ANK2: variants seen among roughly 807,000 people sequenced by gnomAD.
The protein encoded by ANK2 is ankyrin-2.
In ANK2, 83 loss-of-function variants were observed where a neutral mutation model predicts 360.5. That is an observed-to-expected ratio of 0.23 (90% CI 0.19 to 0.28). The LOEUF is 0.28. Among genes scored for constraint, ANK2 ranks in the 10% least tolerant of loss-of-function variants. The pLI is 1.00. For synonymous variants in ANK2, 1,740 were observed against 1,759.5 expected (o/e 0.99, Z 0.28); for missense variants, 4,201 against 4,795.7 (o/e 0.88, Z 3.66).
At chr4:113,176,226 T>C (rs1346521423) in intron 2 of ANK2, among the ~76,000 whole-genome samples, 2 of 152,216 alleles carry the variant, frequency 1.3e-5, no homozygotes, top group Non-Finnish European at 2.9e-5. Context: ...CTACTGCTTT[T>C]GCTCTGAATT....
rs780648194 is a variant in ANK2, at chr4:113,354,462, C to G, written c.5844C>G (p.His1948Gln). The G allele has an allele frequency of 6.2e-6, 10 of 1,614,092 alleles. No individual in the cohort carries two copies. Among genetic ancestry groups the G allele is most frequent in the Non-Finnish European group, 6.8e-6 (8 of 1,179,984 alleles). The change falls in exon 38 of 46, where the codon CAC (histidine) becomes CAG (glutamine). Residue 1948 changes from histidine (H) to glutamine (Q), a missense_variant. Physicochemically the swap from His to Gln is conservative, Grantham distance 24 (BLOSUM62 0). Transcript: ENST00000357077. ...PVSPSGRTDK[H>Q]QPVSTAGKTE... ...CACCCTCCGGAAGAACGGACAAGCA[C>G]CAACCTGTATCAACAGCTGGGAAAA...
At chr4:113,323,813 C>T in intron 26 of ANK2, 1 of 1,606,676 alleles carries the variant, frequency 6.2e-7, no homozygotes, top group Non-Finnish European at 8.5e-7. Flanking sequence ...CTGCATAATT[C>T]TTTCTCTGAA....
intron 2 of ANK2, among the ~76,000 whole-genome samples, chr4:112,975,905 T>C (rs1007331848): frequency 6.6e-6 from 1 of 152,206 alleles, no homozygotes; most frequent in Admixed American, 6.5e-5. Flanking sequence ...ATATGATCAA[T>C]CTGTGTCTGG....
chr4:112,911,209 T>TTTTA lies in ANK2; in HGVS notation c.21+6695_21+6696insTTTA, dbSNP rs1215588167. Among the ~76,000 whole-genome samples, 24 of 148,346 alleles carry TTTTA rather than the reference T, an allele frequency of 1.6e-4. 2 individuals carry two copies. The South Asian group carries it at 5.2e-3, about 32-fold the overall frequency. On this transcript the variant is annotated intron_variant, in intron 2 of 30. Transcript: ENST00000503271. ...GGTGCTTTTTTTTTTTTTTTTTTTT[T>TTTTA]AGAGATGGTATATCTCGGCTGGGCG...
At chr4:113,320,592 T>G (rs2085588831) in intron 26 of ANK2, among the ~76,000 whole-genome samples, 1 of 152,008 alleles carries the variant, frequency 6.6e-6, no homozygotes, top group Non-Finnish European at 1.5e-5. Context: ...GAGGTGGTGG[T>G]TACAGCGAGC....
the ANK2 span, among the ~76,000 whole-genome samples, chr4:112,770,590 C>T: frequency 2.0e-5 from 3 of 152,106 alleles, no homozygotes; most frequent in Admixed American, 6.6e-5. Context: ...CCTGTAATCC[C>T]AGCTACTTGG....
At chr4:113,242,352 A>C (rs2040423756) in intron 9 of ANK2, 143 bp downstream of exon 9, 1 of 790,716 alleles carries the variant, frequency 1.3e-6, no homozygotes, top group Non-Finnish European at 2.2e-6. Flanking sequence ...AATCTCATAC[A>C]ACATTTAAAG....
At chr4:113,241,369 G>C (rs575616478) in intron 8 of ANK2, among the ~76,000 whole-genome samples, 1 of 152,274 alleles carries the variant, frequency 6.6e-6, no homozygotes, top group East Asian at 1.9e-4. Flanking sequence ...ACAGGGTCTG[G>C]CTCTGTTGCC....
At chr4:113,219,016 G>A (rs1439620877) in intron 4 of ANK2, among the ~76,000 whole-genome samples, 2 of 152,066 alleles carry the variant, frequency 1.3e-5, no homozygotes, top group African/African-American at 2.4e-5. Context: ...AATGCCATAG[G>A]CCTATACAAA....
intron 2 of ANK2, among the ~76,000 whole-genome samples, chr4:112,987,251 C>A (rs905543734): frequency 1.3e-5 from 2 of 152,146 alleles, no homozygotes; most frequent in Admixed American, 6.5e-5. Context: ...TCCTCTACCC[C>A]AGAGCTTCCT....
intron 2 of ANK2, among the ~76,000 whole-genome samples, chr4:112,922,220 A>G (rs539806586): frequency 1.1e-3 from 167 of 152,214 alleles, no homozygotes; most frequent in African/African-American, 3.8e-3. Context: ...TTTTGAGTAT[A>G]TCTGTATTGA....
At chr4:112,984,953 A>C (rs2154275237) in intron 2 of ANK2, among the ~76,000 whole-genome samples, 1 of 152,290 alleles carries the variant, frequency 6.6e-6, no homozygotes, top group South Asian at 2.1e-4. Context: ...CTGGTTCAAC[A>C]TTTTGTTATA....
the ANK2 span, among the ~76,000 whole-genome samples, chr4:112,732,055 A>G: frequency 1.3e-5 from 2 of 152,312 alleles, 1 homozygote; most frequent in East Asian, 3.9e-4. Context: ...TAGTTGACTC[A>G]TGTTGGTGGC....
At chr4:113,337,597 T>C (rs2093711995) in intron 31 of ANK2, among the ~76,000 whole-genome samples, 1 of 152,228 alleles carries the variant, frequency 6.6e-6, no homozygotes, top group South Asian at 2.1e-4. Flanking sequence ...TTTGTATTGT[T>C]AGAATTATTA....
At chr4:112,739,251 C>G in the ANK2 span, 1 of 268,660 alleles carries the variant, frequency 3.7e-6, no homozygotes, top group Non-Finnish European at 7.1e-6. Flanking sequence ...TCTGATTTGT[C>G]TGGATATTTA....
chr4:113,147,758 T>C (rs935468725), intron 1 of ANK2, among the ~76,000 whole-genome samples: 1 of 152,236 alleles, frequency 6.6e-6, no homozygotes, highest in African/African-American at 2.4e-5. Flanking sequence ...GGTTTTCCTC[T>C]GAAATGAGCT....
chr4:112,756,075 T>TA, the ANK2 span, among the ~76,000 whole-genome samples: 1 of 151,952 alleles, frequency 6.6e-6, no homozygotes, highest in Non-Finnish European at 1.5e-5. Flanking sequence ...CCATCTCTAC[T>TA]AAAAATACAA....
chr4:112,888,197 T>C (rs2078956674), intron 1 of ANK2, among the ~76,000 whole-genome samples: 1 of 152,166 alleles, frequency 6.6e-6, no homozygotes, highest in Non-Finnish European at 1.5e-5. Context: ...TGACAACAAT[T>C]CATAAGTTAA....
chr4:112,991,785 A>G (rs1227798375), intron 2 of ANK2, among the ~76,000 whole-genome samples: 2 of 151,416 alleles, frequency 1.3e-5, no homozygotes, highest in Non-Finnish European at 1.5e-5. Context: ...TTGTTTAGCA[A>G]TTCCCTCAGA....
Sources: allele counts gnomAD v4.1 joint callset (sites outside exome capture counted in the v4.1 genomes callset), GRCh38; gene constraint gnomAD v4.1.1; transcripts MANE v1.5; gene names NCBI Gene and HGNC (gene_info 2026-07-23, HGNC 2026-07-21).